PHF19: variants seen among roughly 807,000 people sequenced by gnomAD.
PHF19 encodes polycomb like 3.
A neutral mutation model predicts 79.8 loss-of-function variants in PHF19; 21 were observed. That is an observed-to-expected ratio of 0.26 (90% confidence interval 0.19 to 0.38). The LOEUF (loss-of-function observed/expected upper bound fraction) is 0.38. Among genes scored for constraint, PHF19 ranks in the 10% least tolerant of loss-of-function variants. The pLI, the probability that PHF19 is intolerant of heterozygous loss-of-function variation, is 1.00. For missense variants in PHF19, 445 were observed against 744.2 expected, an observed-to-expected ratio of 0.60 and a Z score of 4.68; for synonymous variants, 273 against 296.3, an observed-to-expected ratio of 0.92 and a Z score of 0.81.
chr9:120,863,238 G>A (rs1312923272), intron 10 of PHF19, among the ~76,000 whole-genome samples: 1 of 149,738 alleles, frequency 6.7e-6, no homozygotes, highest in African/African-American at 2.4e-5. Flanking sequence ...TCCATTGGGA[G>A]GGCAGGTGGC....
Position 120,870,631 on chromosome 9 carries a change from G to T in PHF19, c.269-93C>A. 1 of 763,550 alleles carries T rather than the reference G, an allele frequency of 1.3e-6. No homozygotes were observed. 47.3% of individuals were successfully genotyped at this position (763,550 alleles called of 1,614,324 possible). A position where few individuals can be genotyped will look rare whatever the true frequency, so the allele number is the denominator to read the frequency against. On this transcript the variant is annotated intron_variant, in intron 3 of 14. Transcript: ENST00000373896. The surrounding 1 kb of genome is among the most constrained non-coding windows in gnomAD (Gnocchi z 4.4). ...ATGCCCAGCCTCTAATGTCTGCTAGGCCTAGCGCTGGGCCCCACATGCCAC... is the reference window on the plus strand; with the variant it reads ...ATGCCCAGCCTCTAATGTCTGCTAGTCCTAGCGCTGGGCCCCACATGCCAC...
Position 120,857,633 on chromosome 9 carries a change from G to T in PHF19, c.*311C>A. On this transcript the variant is annotated 3_prime_UTR_variant, in exon 15 of 15. Coordinates refer to ENST00000373896, the MANE Select transcript of PHF19 (RefSeq NM_015651.3). ...GCACACAACTGGGGACAAAGACCTGGGCCTCAGGAGGAAGGGTCCCAGCGC... is the reference window on the plus strand; with the variant it reads ...GCACACAACTGGGGACAAAGACCTGTGCCTCAGGAGGAAGGGTCCCAGCGC... 1 of 292,124 alleles carries T rather than the reference G, an allele frequency of 3.4e-6. No homozygotes were observed. Among genetic ancestry groups the T allele is most frequent in the Non-Finnish European group, 6.3e-6 (1 of 157,714 alleles). The allele number at this position is 292,124 out of a possible 1,614,324, so 18.1% of individuals were successfully genotyped here. A position where few individuals can be genotyped will look rare whatever the true frequency, so the allele number is the denominator to read the frequency against.
rs974913111 is a variant in PHF19 at position 120,870,154 on chromosome 9, T to TG, written c.365-210dup. 5.3e-5 allele frequency among the ~76,000 whole-genome samples: 8 copies of TG among 151,916 alleles called. No homozygotes were observed. The highest frequency in any genetic ancestry group is 1.2e-4 in the Non-Finnish European group (8 of 67,984). On this transcript the variant is annotated intron_variant, in intron 4 of 14. Coordinates refer to ENST00000373896, the MANE Select transcript of PHF19 (RefSeq NM_015651.3). This position sits in a 1 kb window ranked among gnomAD's most constrained non-coding sequence, Gnocchi z 4.4. ...TGACAGCATTGGCCAGTTGTGGGGT[T>TG]GGGGGGGACACAGGAAGGTCTGACT...
At chr9:120,887,461 A>G (rs900135039) in intron 1 of PHF19, among the ~76,000 whole-genome samples, 2 of 151,912 alleles carry the variant, frequency 1.3e-5, no homozygotes, top group Non-Finnish European at 2.9e-5. Context: ...CTCAAAAACA[A>G]AAACAAAAAC....
At chr9:120,900,278 C>T in the PHF19 span, among the ~76,000 whole-genome samples, 1 of 152,228 alleles carries the variant, frequency 6.6e-6, no homozygotes, top group Non-Finnish European at 1.5e-5. Context: ...TGAGCCACCG[C>T]ACCCGGCCTT....
At position 120,877,182 on chromosome 9, in the gene PHF19, G is replaced by C; in HGVS notation, c.-107C>G. The stretch of plus-strand genomic sequence containing the variant: ...GCTGCGCTCGGCCCGCGGCTGCCCG[G>C]CCGAGTGTCCGCCCGTGGGGCCGGG... On this transcript the variant is annotated 5_prime_UTR_variant, in exon 1 of 15. Coordinates refer to ENST00000373896, the MANE Select transcript of PHF19 (RefSeq NM_015651.3). The C allele has an allele frequency of 1.0e-6, 1 of 982,720 alleles. No individual in the cohort carries two copies. The highest frequency in any genetic ancestry group is 1.2e-6 in the Non-Finnish European group (1 of 828,718). 60.9% of individuals were successfully genotyped at this position (982,720 alleles called of 1,614,324 possible). A position where few individuals can be genotyped will look rare whatever the true frequency, so the allele number is the denominator to read the frequency against.
rs967939856 is a variant in PHF19, at chr9:120,860,585, G to A, written c.1305-400C>T. On this transcript the variant is annotated intron_variant, in intron 13 of 14. Coordinates refer to ENST00000373896, the MANE Select transcript of PHF19 (RefSeq NM_015651.3). This position sits in a 1 kb window ranked among gnomAD's most constrained non-coding sequence, Gnocchi z 4.1. Reference sequence around the variant, plus strand: ...ACTGATAAGCAGGGTCTGGAGTTCAGGTCTGACTCTAAAGCCCTCCTCTGT... The same window carrying A: ...ACTGATAAGCAGGGTCTGGAGTTCAAGTCTGACTCTAAAGCCCTCCTCTGT... 1.2e-5 allele frequency: 3 copies of A among 240,574 alleles called. No individual in the cohort carries two copies. Among genetic ancestry groups the A allele is most frequent in the Admixed American group, 5.0e-5 (1 of 20,006 alleles). 14.9% of individuals were successfully genotyped at this position (240,574 alleles called of 1,614,324 possible).
rs1378009296 is a variant in PHF19 at position 120,860,399 on chromosome 9, C to T, written c.1305-214G>A. 1.1e-5 allele frequency: 6 copies of T among 537,122 alleles called. No homozygotes were observed. The highest frequency in any genetic ancestry group is 2.0e-5 in the South Asian group (1 of 49,960). 33.3% of individuals were successfully genotyped at this position (537,122 alleles called of 1,614,324 possible). A position where few individuals can be genotyped will look rare whatever the true frequency, so the allele number is the denominator to read the frequency against. On this transcript the variant is annotated intron_variant, in intron 13 of 14. Coordinates refer to ENST00000373896, the MANE Select transcript of PHF19 (RefSeq NM_015651.3). The surrounding 1 kb of genome is among the most constrained non-coding windows in gnomAD (Gnocchi z 4.1). ...AACCTCCTGGAGCACCCTCCCCTGG[C>T]GGTGACGTAAGCACTGGTGTCAATA...
At chr9:120,867,066 A>C (rs991820738) in intron 6 of PHF19, 101 bp from the exon 7 acceptor site, 1 of 703,082 alleles carries the variant, frequency 1.4e-6, no homozygotes, top group Non-Finnish European at 2.6e-6. Context: ...CACTGGCAGA[A>C]AGGGAAGAGA....
chr9:120,887,899 C>T (rs995022232), intron 1 of PHF19, among the ~76,000 whole-genome samples: 1 of 152,136 alleles, frequency 6.6e-6, no homozygotes, highest in Non-Finnish European at 1.5e-5. Context: ...AGGGACTGAC[C>T]GACCCACCTT....
upstream of PHF19, among the ~76,000 whole-genome samples, chr9:120,898,162 G>T (rs979882756): frequency 6.6e-6 from 1 of 152,152 alleles, no homozygotes; most frequent in Non-Finnish European, 1.5e-5. Flanking sequence ...TGTCTCCCAG[G>T]CTGGAGTGCA....
Position 120,857,501 on chromosome 9 carries a change from G to T in PHF19, c.*443C>A, listed in dbSNP as rs2045386496. 6.2e-6 allele frequency: 1 copy of T among 160,690 alleles called. No homozygotes were observed. The highest frequency in any genetic ancestry group is 2.4e-5 in the African/African-American group (1 of 41,796). The allele number at this position is 160,690 out of a possible 1,614,324, so 10.0% of individuals were successfully genotyped here. On this transcript the variant is annotated 3_prime_UTR_variant, in exon 15 of 15. Coordinates refer to ENST00000373896, the MANE Select transcript of PHF19 (RefSeq NM_015651.3). Reference sequence around the variant, plus strand: ...AAGGTGCCTGTTATGTAGTCCCTGGGAGGACTGGCTGCCCCACGGGTCACG... The same window carrying T: ...AAGGTGCCTGTTATGTAGTCCCTGGTAGGACTGGCTGCCCCACGGGTCACG...
intron 3 of PHF19, 50 bp downstream of exon 3, chr9:120,873,929 G>C (rs574588954): frequency 1.1e-6 from 1 of 895,888 alleles, no homozygotes; most frequent in South Asian, 1.4e-5. Flanking sequence ...CAGCAGAGGA[G>C]AGAAGACCTG....
At chr9:120,858,606 A>G (rs2045416244) in intron 14 of PHF19, among the ~76,000 whole-genome samples, 2 of 152,134 alleles carry the variant, frequency 1.3e-5, no homozygotes, top group African/African-American at 4.8e-5. Flanking sequence ...ACTCCAAAGC[A>G]TATGCTCTTA....
chr9:120,877,500 C>T (rs1384137099), upstream of PHF19, among the ~76,000 whole-genome samples: 1 of 151,208 alleles, frequency 6.6e-6, no homozygotes, highest in Non-Finnish European at 1.5e-5. Context: ...CCCGGGCCCC[C>T]CGCCGAGGAG....
rs1588122523 is a variant in PHF19 at position 120,874,863 on chromosome 9, C to G, written c.-15-107G>C. ...TCTGTACCCTGTGCTATAAGCCAGA[C>G]TTGGTTATTATCTCACTGATTCCTC... On this transcript the variant is annotated intron_variant, in intron 1 of 14. Coordinates refer to ENST00000373896, the MANE Select transcript of PHF19 (RefSeq NM_015651.3). The surrounding 1 kb of genome is among the most constrained non-coding windows in gnomAD (Gnocchi z 4.5). The G allele has an allele frequency of 4.5e-6, 3 of 668,676 alleles. No homozygotes were observed. In the Admixed American group the frequency reaches 8.2e-5, roughly 18 times the overall value. 41.4% of individuals were successfully genotyped at this position (668,676 alleles called of 1,614,324 possible). A position where few individuals can be genotyped will look rare whatever the true frequency, so the allele number is the denominator to read the frequency against.
intron 1 of PHF19, among the ~76,000 whole-genome samples, chr9:120,887,074 A>AAAAG: frequency 6.1e-5 from 1 of 16,362 alleles, no homozygotes; most frequent in East Asian, 2.0e-3. Context: ...TAAAAAAAAA[A>AAAAG]AAAGAAAAGA....
chr9:120,889,712 T>A (rs1237593126), intron 1 of PHF19, among the ~76,000 whole-genome samples: 2 of 149,822 alleles, frequency 1.3e-5, no homozygotes, highest in Non-Finnish European at 3.0e-5. Flanking sequence ...GCCACTGCAC[T>A]CTGGCCTGGG....
intron 9 of PHF19, among the ~76,000 whole-genome samples, chr9:120,864,317 C>G (rs909915533): frequency 2.0e-5 from 3 of 152,190 alleles, no homozygotes; most frequent in Non-Finnish European, 4.4e-5. Flanking sequence ...TACTTCCTGA[C>G]CTAACTGTAT....
Sources: gnomAD v4.1 joint callset for allele counts (sites outside exome capture counted in the v4.1 genomes callset) on GRCh38, gnomAD v4.1.1 for gene constraint, Gnocchi (gnomAD v3.1) non-coding constraint, MANE v1.5 for transcripts, NCBI Gene and HGNC (gene_info 2026-07-23, HGNC 2026-07-21) for gene names.